The following PTPRD variants were observed in gnomAD, a reference collection of about 807,000 sequenced individuals.
PTPRD encodes receptor-type tyrosine-protein phosphatase delta.
In PTPRD, 34 loss-of-function variants were observed where a neutral mutation model predicts 214.5. The observed-to-expected ratio is 0.16, with a 90% confidence interval of 0.12 to 0.21. The LOEUF (loss-of-function observed/expected upper bound fraction) is 0.21, where lower values mean the gene tolerates loss of function less well. PTPRD is among the 10% of genes least tolerant of loss of function. The pLI, the probability that PTPRD is intolerant of heterozygous loss-of-function variation, is 1.00. For missense variants in PTPRD, 2,545 were observed against 2,398.7 expected (o/e 1.06, Z -1.27); for synonymous variants, 1,128 against 845.7 (o/e 1.33, Z -5.79).
chr9:10,583,127 C>T (rs571009346), intron 2 of PTPRD, among the ~76,000 whole-genome samples: 1 of 152,222 alleles, frequency 6.6e-6, no homozygotes, highest in East Asian at 1.9e-4. Flanking sequence ...CAGTTAGAAC[C>T]TTTGTTCTTT....
chr9:8,928,438 A>G (rs1588186466), intron 11 of PTPRD, among the ~76,000 whole-genome samples: 1 of 152,100 alleles, frequency 6.6e-6, no homozygotes, highest in African/African-American at 2.4e-5. Context: ...CAGTTTTCCC[A>G]ACACCATTTA....
At chr9:9,923,034 T>A (rs1054248519) in intron 5 of PTPRD, among the ~76,000 whole-genome samples, 1 of 151,904 alleles carries the variant, frequency 6.6e-6, no homozygotes, top group Non-Finnish European at 1.5e-5. Flanking sequence ...ACTATCTTTA[T>A]CTTAGAAAAC....
At chr9:9,614,722 G>A (rs964269222) in intron 7 of PTPRD, among the ~76,000 whole-genome samples, 3 of 152,120 alleles carry the variant, frequency 2.0e-5, no homozygotes, top group South Asian at 2.1e-4. Flanking sequence ...ATGAACTAAA[G>A]TAACCTTATA....
intron 8 of PTPRD, among the ~76,000 whole-genome samples, chr9:9,440,474 G>A (rs1356047139): frequency 2.0e-5 from 3 of 152,114 alleles, no homozygotes; most frequent in Non-Finnish European, 2.9e-5. Context: ...GGGTGTCTAG[G>A]AGAGTCAATA....
intron 11 of PTPRD, among the ~76,000 whole-genome samples, chr9:8,898,390 G>A (rs989034625): frequency 6.6e-6 from 1 of 152,046 alleles, no homozygotes; most frequent in African/African-American, 2.4e-5. Flanking sequence ...GAAAACCTAA[G>A]TACAAACTGA....
At chr9:8,360,545 C>T (rs2078214346) in intron 39 of PTPRD, among the ~76,000 whole-genome samples, 1 of 152,126 alleles carries the variant, frequency 6.6e-6, no homozygotes, top group South Asian at 2.1e-4. Context: ...GTCTTGATTG[C>T]TTTAGATCTC....
At chr9:9,537,934 G>A (rs1416439712) in intron 8 of PTPRD, among the ~76,000 whole-genome samples, 4 of 150,908 alleles carry the variant, frequency 2.7e-5, no homozygotes, top group African/African-American at 4.9e-5. Flanking sequence ...TTCTTTCTCT[G>A]TACCTTTGTA....
intron 9 of PTPRD, among the ~76,000 whole-genome samples, chr9:9,306,407 T>TA (rs1229513765): frequency 4.6e-5 from 7 of 151,060 alleles, no homozygotes; most frequent in Non-Finnish European, 8.9e-5. Flanking sequence ...CTACTAAAAA[T>TA]AAAAAACTAG....
At chr9:8,652,379 ATT>A (rs2096829953) in intron 12 of PTPRD, among the ~76,000 whole-genome samples, 1 of 152,236 alleles carries the variant, frequency 6.6e-6, no homozygotes, top group Non-Finnish European at 1.5e-5. Context: ...TCAACCAATA[ATT>A]ACTGCCCTGG....
intron 3 of PTPRD, among the ~76,000 whole-genome samples, chr9:10,303,263 T>C (rs1415141271): frequency 6.6e-6 from 1 of 152,130 alleles, no homozygotes; most frequent in African/African-American, 2.4e-5. Flanking sequence ...TTTAAAGCAG[T>C]GTTTAGGGGA....
intron 11 of PTPRD, among the ~76,000 whole-genome samples, chr9:8,850,577 A>T (rs1414229866): frequency 6.6e-6 from 1 of 152,090 alleles, no homozygotes. Context: ...AAAAATGGTT[A>T]CCTGGCCAGT....
chr9:8,692,963 T>G (rs905997656), intron 12 of PTPRD, among the ~76,000 whole-genome samples: 2 of 152,218 alleles, frequency 1.3e-5, no homozygotes, highest in African/African-American at 4.8e-5. Context: ...TTAACGCCAG[T>G]GTGATTCAAA....
chr9:9,875,291 C>A (rs1339654494), intron 5 of PTPRD, among the ~76,000 whole-genome samples: 1 of 152,002 alleles, frequency 6.6e-6, no homozygotes, highest in Non-Finnish European at 1.5e-5. Context: ...CAGTTAGGTA[C>A]TGATATTGCT....
intron 15 of PTPRD, 101 bp from the exon 16 acceptor site, chr9:8,527,454 AATC>A: frequency 2.0e-6 from 2 of 997,756 alleles, no homozygotes; most frequent in Non-Finnish European, 3.1e-6. Flanking sequence ...TTATATACTA[AATC>A]ATCTATGTTA....
intron 3 of PTPRD, among the ~76,000 whole-genome samples, chr9:10,236,414 T>A (rs542724275): frequency 2.6e-5 from 4 of 151,970 alleles, no homozygotes; most frequent in Non-Finnish European, 5.9e-5. Flanking sequence ...CAGGAATGCT[T>A]GGAAGATAAT....
intron 2 of PTPRD, among the ~76,000 whole-genome samples, chr9:10,433,344 T>C (rs1020946576): frequency 2.6e-5 from 4 of 152,000 alleles, no homozygotes; most frequent in Non-Finnish European, 5.9e-5. Flanking sequence ...CAGCACTTCT[T>C]ATCACAGGTA....
At chr9:8,735,399 C>T (rs1446777044) in intron 11 of PTPRD, among the ~76,000 whole-genome samples, 1 of 151,968 alleles carries the variant, frequency 6.6e-6, no homozygotes, top group Non-Finnish European at 1.5e-5. Context: ...CTGCCTCAGC[C>T]TCCCAAAGTG....
At chr9:8,646,337 G>T (rs1482260674) in intron 12 of PTPRD, among the ~76,000 whole-genome samples, 4 of 152,152 alleles carry the variant, frequency 2.6e-5, no homozygotes, top group African/African-American at 9.6e-5. Flanking sequence ...ACGCATCTGT[G>T]ACTACAGCTC....
chr9:8,349,252 C>T (rs966118969), intron 39 of PTPRD, among the ~76,000 whole-genome samples: 10 of 152,102 alleles, frequency 6.6e-5, no homozygotes, highest in African/African-American at 9.7e-5. Flanking sequence ...AACAAACCTC[C>T]GGCACTTATT....
Sources: gnomAD v4.1 joint callset for allele counts (sites outside exome capture counted in the v4.1 genomes callset) on GRCh38, gnomAD v4.1.1 for gene constraint, MANE v1.5 for transcripts, NCBI Gene and HGNC (gene_info 2026-07-23, HGNC 2026-07-21) for gene names.